Variants in ADGRV1 observed in about 807,000 individuals in gnomAD.
ADGRV1 encodes the protein adhesion G protein-coupled receptor V1.
ADGRV1 carries 359 observed loss-of-function variants against 596.2 expected under a neutral mutation model. The ratio of observed to expected loss-of-function variants is 0.60; its 90% CI spans 0.55 to 0.66. The LOEUF (loss-of-function observed/expected upper bound fraction) is 0.66, where lower values mean the gene tolerates loss of function less well. Ranked by LOEUF, ADGRV1 falls within the 30% of genes least tolerant of loss-of-function variation. The pLI, the probability that ADGRV1 is intolerant of heterozygous loss-of-function variation, is 0.00. For missense variants in ADGRV1, 7,274 were observed against 7,575.6 expected (o/e 0.96, Z 1.48); for synonymous variants, 2,681 against 2,679.2 (o/e 1.00, Z -0.02).
intron 83 of ADGRV1, among the ~76,000 whole-genome samples, chr5:90,874,828 A>T (rs963324985): frequency 2.0e-5 from 3 of 151,904 alleles, no homozygotes; most frequent in African/African-American, 7.3e-5. Context: ...ACTGCACTCC[A>T]GCCCGGGCGA....
Position 91,102,322 on chromosome 5 carries a change from C to T in ADGRV1, c.18414C>T (p.Val6138=), listed in dbSNP as rs763253673. The change falls in exon 87 of 90, where the codon GTC becomes GTT. Residue 6138 remains valine (V), a synonymous_variant. Transcript: ENST00000405460. ...YRHFWMLVLF[V]IFNSLQGLYV... ...ACTTCTGGATGTTGGTTCTCTTTGT[C>T]ATTTTCAACAGTCTGCAGGTAAGCC... is the stretch of plus-strand genomic sequence containing the variant. 2.2e-5 allele frequency: 35 copies of T among 1,599,706 alleles called. No homozygotes were observed. The highest frequency in any genetic ancestry group is 3.5e-5 in the Admixed American group (2 of 57,580).
At chr5:91,096,146 T>C (rs1790842593) in intron 86 of ADGRV1, among the ~76,000 whole-genome samples, 1 of 152,198 alleles carries the variant, frequency 6.6e-6, no homozygotes, top group South Asian at 2.1e-4. Context: ...AAATTGTTAG[T>C]ATCAGAAGGT....
rs557425091 is a variant in ADGRV1, at chr5:90,995,818, G to A, written c.18152+10296G>A. 4.3e-4 allele frequency among the ~76,000 whole-genome samples: 66 copies of A among 152,270 alleles called. 1 individual carries two copies. Among genetic ancestry groups the A allele is most frequent in the Non-Finnish European group, 6.8e-4 (46 of 68,020 alleles). ...GAACTTACTGAGAACTGGAGTAAAG[G>A]TCACTCTTGCTAACCTTTGGCAAAG... On this transcript the variant is annotated intron_variant, in intron 85 of 89. Transcript: ENST00000405460.
chr5:90,567,777 C>T (rs182169191), intron 1 of ADGRV1, among the ~76,000 whole-genome samples: 10 of 151,454 alleles, frequency 6.6e-5, no homozygotes, highest in Non-Finnish European at 1.0e-4. Context: ...TCTGTTACCC[C>T]GGCGGGAGTG....
chr5:91,071,476 A>G (rs1728012295), intron 85 of ADGRV1, among the ~76,000 whole-genome samples: 1 of 152,072 alleles, frequency 6.6e-6, no homozygotes, highest in Non-Finnish European at 1.5e-5. Flanking sequence ...CATTAGTCCT[A>G]TAGCATGACC....
chr5:90,972,718 T>A (rs1779163495), intron 84 of ADGRV1, among the ~76,000 whole-genome samples: 1 of 151,248 alleles, frequency 6.6e-6, no homozygotes, highest in Non-Finnish European at 1.5e-5. Flanking sequence ...TAGAGGGAAA[T>A]TTATAGCACT....
intron 34 of ADGRV1, among the ~76,000 whole-genome samples, chr5:90,700,270 G>T (rs1184396389): frequency 6.6e-6 from 1 of 152,104 alleles, no homozygotes; most frequent in African/African-American, 2.4e-5. Flanking sequence ...TGTTAACGTT[G>T]CTTTTAGCCT....
intron 85 of ADGRV1, among the ~76,000 whole-genome samples, chr5:90,990,686 T>C (rs1693783695): frequency 6.6e-6 from 1 of 152,210 alleles, no homozygotes; most frequent in Admixed American, 6.5e-5. Context: ...TTGAAATTAG[T>C]GCTAGAAATG....
intron 50 of ADGRV1, among the ~76,000 whole-genome samples, chr5:90,740,287 C>G (rs776092590): frequency 2.0e-5 from 3 of 152,106 alleles, no homozygotes; most frequent in Non-Finnish European, 4.4e-5. Context: ...AGCTCTGTGG[C>G]TGCATCTAGG....
intron 83 of ADGRV1, among the ~76,000 whole-genome samples, chr5:90,891,459 G>A (rs916268347): frequency 2.4e-4 from 36 of 151,170 alleles, no homozygotes; most frequent in Non-Finnish European, 2.1e-4. Context: ...AATTACTTAC[G>A]GTAAAACTTT....
chr5:90,845,580 T>C (rs1035630877), intron 78 of ADGRV1, among the ~76,000 whole-genome samples: 1 of 152,070 alleles, frequency 6.6e-6, no homozygotes, highest in African/African-American at 2.4e-5. Context: ...GTAATTTTTT[T>C]CCTGTCTGGT....
At chr5:90,642,537 C>T in intron 11 of ADGRV1, 99 bp from the exon 12 acceptor site, 3 of 1,270,516 alleles carry the variant, frequency 2.4e-6, no homozygotes, top group Middle Eastern at 4.0e-4. Context: ...CCTTCCTTTT[C>T]ATTATCTGGA....
chr5:90,866,270 G>C (rs1768081989), intron 83 of ADGRV1, among the ~76,000 whole-genome samples: 1 of 150,774 alleles, frequency 6.6e-6, no homozygotes, highest in South Asian at 2.1e-4. Context: ...TCTACTTCTA[G>C]AAATATGTAG....
chr5:90,955,997 C>G (rs905892144), intron 83 of ADGRV1, among the ~76,000 whole-genome samples: 5 of 152,046 alleles, frequency 3.3e-5, no homozygotes, highest in African/African-American at 1.2e-4. Context: ...TAGGCAATGG[C>G]CTGTGAGTTA....
intron 78 of ADGRV1, 134 bp from the exon 79 acceptor site, chr5:90,848,503 C>T (rs1320441302): frequency 5.0e-6 from 2 of 401,904 alleles, no homozygotes; most frequent in Non-Finnish European, 4.2e-6. Flanking sequence ...ACCAATTTCT[C>T]TTAAGTTTTC....
intron 86 of ADGRV1, 84 bp downstream of exon 86, chr5:91,072,688 GA>G: frequency 1.4e-6 from 2 of 1,435,574 alleles, no homozygotes; most frequent in Non-Finnish European, 1.9e-6. Context: ...TTATCAAAAA[GA>G]GGGAAGTTCG....
intron 84 of ADGRV1, among the ~76,000 whole-genome samples, chr5:90,967,979 A>C (rs940088743): frequency 6.6e-6 from 1 of 152,184 alleles, no homozygotes; most frequent in South Asian, 2.1e-4. Context: ...GGGACATAGC[A>C]ACCACTCTCA....
At chr5:90,724,744 C>A in intron 45 of ADGRV1, 88 bp from the exon 46 acceptor site, 2 of 1,176,952 alleles carry the variant, frequency 1.7e-6, no homozygotes, top group Non-Finnish European at 1.3e-6. Context: ...GTCACAAATG[C>A]ACTTGTCTCA....
chr5:90,894,121 AAAC>A (rs1412168269), intron 83 of ADGRV1, among the ~76,000 whole-genome samples: 2 of 152,210 alleles, frequency 1.3e-5, no homozygotes, highest in Admixed American at 6.5e-5. Context: ...CCCCAAATGC[AAAC>A]AATAAAAACT....
Sources: allele counts gnomAD v4.1 joint callset (sites outside exome capture counted in the v4.1 genomes callset), GRCh38; gene constraint gnomAD v4.1.1; transcripts MANE v1.5; gene names NCBI Gene and HGNC (gene_info 2026-07-23, HGNC 2026-07-21).